Variants in TTL observed in about 807,000 individuals in gnomAD.
The protein encoded by TTL is tubulin tyrosine ligase, also known as tubulin--tyrosine ligase.
A neutral mutation model predicts 41.1 loss-of-function variants in TTL; 10 were observed. The ratio of observed to expected loss-of-function variants is 0.24; its 90% CI spans 0.15 to 0.41. TTL has a LOEUF of 0.41. Ranked by LOEUF, TTL falls within the 10% of genes least tolerant of loss-of-function variation. The pLI, the probability that TTL is intolerant of heterozygous loss-of-function variation, is 1.00. For synonymous variants in TTL, 175 were observed against 175.5 expected, an observed-to-expected ratio of 1.00 and a Z score of 0.02; for missense variants, 367 against 460.4, an observed-to-expected ratio of 0.80 and a Z score of 1.86.
chr2:112,520,489 TG>T, intron 6 of TTL, 64 bp downstream of exon 6: 1 of 1,587,938 alleles, frequency 6.3e-7, no homozygotes, highest in Admixed American at 1.7e-5. Flanking sequence ...GGATAGTCTG[TG>T]GGTACAAGTG....
In TTL at chr2:112,532,955, G is replaced by A. The variant is rs1159573658; in HGVS notation, c.*4160G>A. ...TACGTGTCTTGTGTATCGAGTTCTT[G>A]TAAAGCATTTCACCAAGGCCAGGTT... is the stretch of plus-strand genomic sequence containing the variant. On this transcript the variant is annotated 3_prime_UTR_variant, in exon 7 of 7. Coordinates refer to ENST00000233336, the MANE Select transcript of TTL (RefSeq NM_153712.5). 6.6e-6 allele frequency: 1 copy of A among 152,164 alleles called. No homozygotes were observed. The allele number at this position is 152,164 out of a possible 1,614,324, so 9.4% of individuals were successfully genotyped here.
At chr2:112,514,389 A>T (rs1444211717) in intron 5 of TTL, among the ~76,000 whole-genome samples, 1 of 152,106 alleles carries the variant, frequency 6.6e-6, no homozygotes, top group Non-Finnish European at 1.5e-5. Context: ...TTCAAAAAAA[A>T]AAAAACTAAT....
At position 112,510,153 on chromosome 2, in the gene TTL, A is replaced by G. The variant is rs926682019; in HGVS notation, c.875+6972A>G. ...GTGCTTTTTGTTTGTTTTTTAAGAG[A>G]TGGTGTCTCATTTTATTGCCTAGGC... On this transcript the variant is annotated intron_variant, in intron 5 of 6. Coordinates refer to ENST00000233336, the MANE Select transcript of TTL (RefSeq NM_153712.5). Among the ~76,000 whole-genome samples, 9 of 151,960 alleles carry G rather than the reference A, an allele frequency of 5.9e-5. No individual in the cohort carries two copies. The East Asian group carries it at 9.7e-4, about 16-fold the overall frequency.
intron 5 of TTL, among the ~76,000 whole-genome samples, chr2:112,517,308 C>T (rs1447211931): frequency 1.3e-5 from 2 of 151,990 alleles, no homozygotes; most frequent in African/African-American, 2.4e-5. Context: ...AGTGCAGTGG[C>T]GCAATCTCAT....
chr2:112,511,740 T>A (rs958090491), intron 5 of TTL, among the ~76,000 whole-genome samples: 3 of 140,298 alleles, frequency 2.1e-5, no homozygotes, highest in African/African-American at 7.6e-5. Context: ...AATTTTTGTA[T>A]TTTTTTTTTT....
rs576089668 is a variant in TTL at position 112,530,609 on chromosome 2, C to T, written c.*1814C>T. 20 of 226,296 alleles carry T rather than the reference C, an allele frequency of 8.8e-5. 1 individual carries two copies. The highest frequency in any genetic ancestry group is 2.2e-4 in the African/African-American group (10 of 44,974). The allele number at this position is 226,296 out of a possible 1,614,324, so 14.0% of individuals were successfully genotyped here. A position where few individuals can be genotyped will look rare whatever the true frequency, so the allele number is the denominator to read the frequency against. ...TGGGTCCCTGGCAAGTCTAGGTGGG[C>T]GGGTGACAGGGAAAGCATGGGCATT... On this transcript the variant is annotated 3_prime_UTR_variant, in exon 7 of 7. Transcript: ENST00000233336.
In TTL at chr2:112,528,805, C is replaced by G; in HGVS notation, c.*10C>G. On this transcript the variant is annotated 3_prime_UTR_variant, in exon 7 of 7. Transcript: ENST00000233336. Reference sequence around the variant, plus strand: ...CTTCATCAAGCTGTGACAGAGGGCACTCCCTGCTGCCTTGGAAAAAGCACG... The same window carrying G: ...CTTCATCAAGCTGTGACAGAGGGCAGTCCCTGCTGCCTTGGAAAAAGCACG... 1.2e-6 allele frequency: 2 copies of G among 1,607,110 alleles called. No homozygotes were observed. The highest frequency in any genetic ancestry group is 1.7e-6 in the Non-Finnish European group (2 of 1,173,738).
intron 6 of TTL, among the ~76,000 whole-genome samples, chr2:112,523,350 C>CTGTGTGTG (rs60321232): frequency 0.1 from 15,362 of 149,800 alleles, 894 homozygotes; most frequent in South Asian, 0.14. Flanking sequence ...GTGTGTGTGT[C>CTGTGTGTG]TGTGTGTGTG....
Position 112,482,557 on chromosome 2 carries a change from C to T in TTL, c.157+56C>T, listed in dbSNP as rs1681119753. 2 of 1,514,772 alleles carry T rather than the reference C, an allele frequency of 1.3e-6. No individual in the cohort carries two copies. Among genetic ancestry groups the T allele is most frequent in the African/African-American group, 2.8e-5 (2 of 70,356 alleles). 93.8% of individuals were successfully genotyped at this position (1,514,772 alleles called of 1,614,324 possible). A position where few individuals can be genotyped will look rare whatever the true frequency, so the allele number is the denominator to read the frequency against. ...CCTCGGAGCGGCCCTGCGCGCCTCC[C>T]GCGGCCCGTTAGAACCGGCGCTTTT... On this transcript the variant is annotated intron_variant, in intron 1 of 6. Transcript: ENST00000233336. This position sits in a 1 kb window ranked among gnomAD's most constrained non-coding sequence, Gnocchi z 5.3.
In TTL at chr2:112,541,037, A is replaced by G. The variant is rs966822021; in HGVS notation, c.*12242A>G. On this transcript the variant is annotated 3_prime_UTR_variant, in exon 7 of 7. Coordinates refer to ENST00000233336, the MANE Select transcript of TTL (RefSeq NM_153712.5). ...TCATGACAGAAATGATGAATGCTTGAGGTGATGGAAACCCCATCTACCCTC... is the reference window on the plus strand; with the variant it reads ...TCATGACAGAAATGATGAATGCTTGGGGTGATGGAAACCCCATCTACCCTC... 2 of 152,228 alleles carry G rather than the reference A, an allele frequency of 1.3e-5. No homozygotes were observed. The highest frequency in any genetic ancestry group is 4.8e-5 in the African/African-American group (2 of 41,458). The allele number at this position is 152,228 out of a possible 1,614,324, so 9.4% of individuals were successfully genotyped here. A position where few individuals can be genotyped will look rare whatever the true frequency, so the allele number is the denominator to read the frequency against.
intron 2 of TTL, among the ~76,000 whole-genome samples, chr2:112,488,054 C>T (rs1039845396): frequency 2.0e-5 from 3 of 152,178 alleles, no homozygotes; most frequent in Non-Finnish European, 4.4e-5. Context: ...CCTTGGGAGG[C>T]TTCCCAGAGC....
intron 3 of TTL, 86 bp downstream of exon 3, chr2:112,494,461 A>G: frequency 2.8e-6 from 3 of 1,064,034 alleles, no homozygotes; most frequent in South Asian, 1.6e-5. Context: ...TTTAATCTGA[A>G]TCATCGAAGG....
At chr2:112,498,972 A>G (rs377048534) in intron 3 of TTL, among the ~76,000 whole-genome samples, 101 of 152,056 alleles carry the variant, frequency 6.6e-4, no homozygotes, top group African/African-American at 2.3e-3. Flanking sequence ...ATTAAGATGT[A>G]TTTTAGAGCT....
intron 6 of TTL, among the ~76,000 whole-genome samples, chr2:112,527,803 C>A (rs1454688810): frequency 1.3e-5 from 2 of 152,116 alleles, no homozygotes; most frequent in Admixed American, 1.3e-4. Context: ...GAGCATTTAG[C>A]CCATTTACAC....
rs79793550 is a variant in TTL at position 112,512,057 on chromosome 2, A to T, written c.876-8225A>T. 7.1e-3 allele frequency among the ~76,000 whole-genome samples: 1,078 copies of T among 151,846 alleles called. 12 individuals carry two copies. The highest frequency in any genetic ancestry group is 0.025 in the African/African-American group (1,021 of 41,384). On this transcript the variant is annotated intron_variant, in intron 5 of 6. Transcript: ENST00000233336. Reference sequence around the variant, plus strand: ...TTAAAGTAGTTTTCTGGTAGACAGCATATAGTTGGGTTTTGTATTTGTATT... The same window carrying T: ...TTAAAGTAGTTTTCTGGTAGACAGCTTATAGTTGGGTTTTGTATTTGTATT...
intron 1 of TTL, among the ~76,000 whole-genome samples, chr2:112,485,687 T>C (rs1456117154): frequency 6.6e-6 from 1 of 152,196 alleles, no homozygotes; most frequent in Non-Finnish European, 1.5e-5. Context: ...GCAGCAGTTT[T>C]GGCAAACCTA....
At chr2:112,496,709 ATTTTTTT>A (rs1311299876) in intron 3 of TTL, among the ~76,000 whole-genome samples, 1 of 57,198 alleles carries the variant, frequency 1.7e-5, no homozygotes, top group African/African-American at 6.9e-5. Context: ...GTGTGTGTGT[ATTTTTTT>A]TTTTTTTTTG....
chr2:112,485,590 C>T (rs903875842), intron 1 of TTL, among the ~76,000 whole-genome samples: 2 of 152,132 alleles, frequency 1.3e-5, no homozygotes, highest in African/African-American at 2.4e-5. Context: ...AAGCCAGGAG[C>T]GGAATGCAGT....
chr2:112,530,349 T>A lies in TTL; in HGVS notation c.*1554T>A, dbSNP rs1682475092. ...TTACCTTGGGGTGAAGTGGAGAAGG[T>A]CCCAGGTGAATTGGCTCTCATGGAA... On this transcript the variant is annotated 3_prime_UTR_variant, in exon 7 of 7. Coordinates refer to ENST00000233336, the MANE Select transcript of TTL (RefSeq NM_153712.5). 4.3e-6 allele frequency: 1 copy of A among 231,746 alleles called. No homozygotes were observed. 14.4% of individuals were successfully genotyped at this position (231,746 alleles called of 1,614,324 possible).
Sources: allele counts gnomAD v4.1 joint callset (sites outside exome capture counted in the v4.1 genomes callset), GRCh38; gene constraint gnomAD v4.1.1; non-coding constraint Gnocchi (gnomAD v3.1); transcripts MANE v1.5; gene names NCBI Gene and HGNC (gene_info 2026-07-23, HGNC 2026-07-21).